The following PCDHGC4 variants were observed in gnomAD, a reference collection of about 807,000 sequenced individuals.
PCDHGC4 encodes the protein protocadherin gamma subfamily C, 4.
PCDHGC4 carries 15 observed loss-of-function variants against 59.7 expected under a neutral mutation model. The ratio of observed to expected loss-of-function variants is 0.25; its 90% confidence interval spans 0.17 to 0.39. PCDHGC4 has a LOEUF of 0.39. Ranked by LOEUF, PCDHGC4 falls within the 10% of genes least tolerant of loss-of-function variation. The probability of loss-of-function intolerance (pLI) is 1.00; values close to 1 mark genes in which losing one functional copy is unlikely to be tolerated. For missense variants in PCDHGC4, 1,016 were observed against 1,189.5 expected, an observed-to-expected ratio of 0.85 and a Z score of 2.15; for synonymous variants, 434 against 481.4, an observed-to-expected ratio of 0.90 and a Z score of 1.29.
Position 141,512,288 on chromosome 5 carries a change from TCAGCGGAGCCCCAGCAGGAAGGGTGGGC to T in PCDHGC4, c.*1120_*1147del, listed in dbSNP as rs1375137843. The T allele has an allele frequency of 6.5e-6, 1 of 152,680 alleles. No individual in the cohort carries two copies. Among genetic ancestry groups the T allele is most frequent in the Non-Finnish European group, 1.5e-5 (1 of 68,182 alleles). The allele number at this position is 152,680 out of a possible 1,614,324, so 9.5% of individuals were successfully genotyped here. ...TCCAGAGGTGCCACTGGTGGAAGGG[TCAGCGGAGCCCCAGCAGGAAGGGTGGGC>T]CAGCCAGGCCATTCTTAGTCCCTGG... On this transcript the variant is annotated 3_prime_UTR_variant, in exon 4 of 4. Coordinates refer to ENST00000306593, the MANE Select transcript of PCDHGC4 (RefSeq NM_018928.3).
At chr5:141,502,001 C>T (rs2099812274) in intron 2 of PCDHGC4, among the ~76,000 whole-genome samples, 2 of 152,106 alleles carry the variant, frequency 1.3e-5, no homozygotes, top group Admixed American at 1.3e-4. Flanking sequence ...CCCTGACAAC[C>T]CGCATGCTCT....
At chr5:141,503,804 G>A (rs2099831736) in intron 2 of PCDHGC4, among the ~76,000 whole-genome samples, 1 of 152,034 alleles carries the variant, frequency 6.6e-6, no homozygotes, top group South Asian at 2.1e-4. Flanking sequence ...TAGGGACGGG[G>A]AATCCCAGAT....
At chr5:141,506,636 C>T (rs1421676205) in intron 3 of PCDHGC4, among the ~76,000 whole-genome samples, 2 of 152,020 alleles carry the variant, frequency 1.3e-5, no homozygotes, top group South Asian at 2.1e-4. Context: ...AATGCAAGTC[C>T]CTCAGCACAG....
rs537087639 is a variant in PCDHGC4 at position 141,510,502 on chromosome 5, G to A, written c.2591-445G>A. 3.3e-5 allele frequency among the ~76,000 whole-genome samples: 5 copies of A among 152,296 alleles called. No homozygotes were observed. The South Asian group carries it at 6.2e-4, about 19-fold the overall frequency. ...CTTGAGAAAGCCAGGGCAAGGAACTGAGAGCCCGTGTCACAGCCCTGAGAG... is the reference window on the plus strand; with the variant it reads ...CTTGAGAAAGCCAGGGCAAGGAACTAAGAGCCCGTGTCACAGCCCTGAGAG... On this transcript the variant is annotated intron_variant, in intron 3 of 3. Coordinates refer to ENST00000306593, the MANE Select transcript of PCDHGC4 (RefSeq NM_018928.3).
chr5:141,485,734 C>T lies in PCDHGC4; in HGVS notation c.561C>T (p.Asp187=). ...HFALDVKKRS[D]GSLVPELLLE... ...CACTGGATGTGAAGAAGCGCAGCGACGGCAGCCTGGTCCCAGAGCTGCTCC... is the reference window on the plus strand; with the variant it reads ...CACTGGATGTGAAGAAGCGCAGCGATGGCAGCCTGGTCCCAGAGCTGCTCC... Residue 187 remains aspartate (D), a synonymous_variant, in exon 1 of 4, where the codon GAC becomes GAT. Transcript: ENST00000306593. This position sits in a 1 kb window ranked among gnomAD's most constrained non-coding sequence, Gnocchi z 5.7. The T allele has an allele frequency of 6.2e-7, 1 of 1,614,210 alleles. No individual in the cohort carries two copies. The highest frequency in any genetic ancestry group is 8.5e-7 in the Non-Finnish European group (1 of 1,180,028).
rs1362252002 is a variant in PCDHGC4, at chr5:141,486,112, G to C, written c.939G>C (p.Glu313Asp). ...TLLGPLDFES[E>D]NYYEFDVRAR... ...TGGGGCCCCTAGACTTTGAGAGTGA[G>C]AATTACTATGAATTTGATGTGCGGG... The change falls in exon 1 of 4, where the codon GAG becomes GAC. Residue 313 changes from glutamate (E) to aspartate (D), a missense_variant. By Grantham distance (45) the Glu-to-Asp change is conservative (BLOSUM62 2). Coordinates refer to ENST00000306593, the MANE Select transcript of PCDHGC4 (RefSeq NM_018928.3). The surrounding 1 kb of genome is among the most constrained non-coding windows in gnomAD (Gnocchi z 5.0). 6 of 1,614,166 alleles carry C rather than the reference G, an allele frequency of 3.7e-6. No individual in the cohort carries two copies. The highest frequency in any genetic ancestry group is 1.7e-6 in the Non-Finnish European group (2 of 1,180,024).
chr5:141,504,496 G>C (rs2099838771), intron 2 of PCDHGC4, among the ~76,000 whole-genome samples: 1 of 152,100 alleles, frequency 6.6e-6, no homozygotes, highest in Non-Finnish European at 1.5e-5. Flanking sequence ...CACCTGCCCA[G>C]TCTGAGTGGA....
rs775963212 is a variant in PCDHGC4, at chr5:141,485,463, G to T, written c.290G>T (p.Gly97Val). ...CCAATCGACCGAGAGGCACTGTGTG[G>T]GCTCAGTGCCAGCTGCATCGTGCCC... ...KNPIDREALCGLSASCIVPLE... is the reference protein window; with the variant it reads ...KNPIDREALCVLSASCIVPLE... Residue 97 changes from glycine to valine, a missense_variant, in exon 1 of 4, where the codon GGG becomes GTG. Coordinates refer to ENST00000306593, the MANE Select transcript of PCDHGC4 (RefSeq NM_018928.3). The surrounding 1 kb of genome is among the most constrained non-coding windows in gnomAD (Gnocchi z 5.7). The T allele has an allele frequency of 1.2e-6, 2 of 1,614,086 alleles. No individual in the cohort carries two copies. The highest frequency in any genetic ancestry group is 3.3e-5 in the Admixed American group (2 of 60,026).
At position 141,485,683 on chromosome 5, in the gene PCDHGC4, T is replaced by C. The variant is rs2099617681; in HGVS notation, c.510T>C (p.Tyr170=). ...ADVGSNSISS[Y]RLSSNEHFAL... ...TGGGGAGCAATTCGATTAGCAGCTA[T>C]AGGCTGAGCTCCAATGAACACTTTG... The change falls in exon 1 of 4, where the codon TAT becomes TAC. Residue 170 remains tyrosine, a synonymous_variant. Coordinates refer to ENST00000306593, the MANE Select transcript of PCDHGC4 (RefSeq NM_018928.3). This position sits in a 1 kb window ranked among gnomAD's most constrained non-coding sequence, Gnocchi z 5.7. 3.7e-6 allele frequency: 6 copies of C among 1,614,042 alleles called. No individual in the cohort carries two copies. The South Asian group carries it at 4.4e-5, about 12-fold the overall frequency.
At position 141,489,094 on chromosome 5, in the gene PCDHGC4, G is replaced by GAAA. The variant is rs2154581134; in HGVS notation, c.2442+1481_2442+1482insAAA. On this transcript the variant is annotated intron_variant, in intron 1 of 3. Coordinates refer to ENST00000306593, the MANE Select transcript of PCDHGC4 (RefSeq NM_018928.3). The surrounding 1 kb of genome is among the most constrained non-coding windows in gnomAD (Gnocchi z 4.5). ...CCCACCCCCGCCACTCGGTGACTAA[G>GAAA]AACTGCTGCAAGCAGGCAAACCTCC... The GAAA allele has an allele frequency of 5.1e-6, 2 of 396,028 alleles. No homozygotes were observed. Among genetic ancestry groups the GAAA allele is most frequent in the South Asian group, 4.8e-5 (1 of 20,814 alleles). The allele number at this position is 396,028 out of a possible 1,614,324, so 24.5% of individuals were successfully genotyped here.
chr5:141,487,671 G>A lies in PCDHGC4; in HGVS notation c.2442+56G>A. The A allele has an allele frequency of 6.2e-7, 1 of 1,612,012 alleles. No homozygotes were observed. The highest frequency in any genetic ancestry group is 8.5e-7 in the Non-Finnish European group (1 of 1,178,932). ...GAGGGTTATTCTGATCCAGGCATAT[G>A]GCTAGGCCATGTCCTAGAGAGTACT... On this transcript the variant is annotated intron_variant, in intron 1 of 3. Transcript: ENST00000306593. This position sits in a 1 kb window ranked among gnomAD's most constrained non-coding sequence, Gnocchi z 5.0.
rs747633858 is a variant in PCDHGC4, at chr5:141,491,133, C to T, written c.2442+3518C>T. 6.2e-6 allele frequency: 10 copies of T among 1,614,158 alleles called. No homozygotes were observed. In the South Asian group the frequency reaches 9.9e-5, roughly 16 times the overall value. The stretch of plus-strand genomic sequence containing the variant: ...CACACACTGGTGAGGTGCGCACAGC[C>T]CGGGCCTTACTGGAGGATGACTCTG... On this transcript the variant is annotated intron_variant, in intron 1 of 3. Transcript: ENST00000306593. The surrounding 1 kb of genome is among the most constrained non-coding windows in gnomAD (Gnocchi z 6.9).
chr5:141,505,338 G>T, intron 2 of PCDHGC4, 55 bp from the exon 3 acceptor site: 1 of 1,612,254 alleles, frequency 6.2e-7, no homozygotes, highest in South Asian at 1.1e-5. Flanking sequence ...GGACAGGAGG[G>T]GCATGAGCTG....
intron 3 of PCDHGC4, among the ~76,000 whole-genome samples, chr5:141,506,943 T>A (rs2099857373): frequency 6.6e-6 from 1 of 152,192 alleles, no homozygotes; most frequent in South Asian, 2.1e-4. Context: ...GGGCCTCCTG[T>A]CAATGAATCC....
Position 141,485,730 on chromosome 5 carries a change from G to A in PCDHGC4, c.557G>A (p.Ser186Asn). Residue 186 changes from serine to asparagine, a missense_variant, in exon 1 of 4, where the codon AGC becomes AAC. Coordinates refer to ENST00000306593, the MANE Select transcript of PCDHGC4 (RefSeq NM_018928.3). This position sits in a 1 kb window ranked among gnomAD's most constrained non-coding sequence, Gnocchi z 5.7. ...EHFALDVKKR[S>N]DGSLVPELLL... ...TTTGCACTGGATGTGAAGAAGCGCA[G>A]CGACGGCAGCCTGGTCCCAGAGCTG... is the stretch of plus-strand genomic sequence containing the variant. 1 of 1,614,200 alleles carries A rather than the reference G, an allele frequency of 6.2e-7. No individual in the cohort carries two copies. Among genetic ancestry groups the A allele is most frequent in the Non-Finnish European group, 8.5e-7 (1 of 1,180,024 alleles).
chr5:141,496,888 T>TAAA (rs35063790), intron 2 of PCDHGC4, among the ~76,000 whole-genome samples: 5 of 134,118 alleles, frequency 3.7e-5, no homozygotes, highest in East Asian at 4.4e-4. Context: ...AAGTAACACT[T>TAAA]AAAAAAAAAA....
rs146235929 is a variant in PCDHGC4 at position 141,511,610 on chromosome 5, C to A, written c.*437C>A. On this transcript the variant is annotated 3_prime_UTR_variant, in exon 4 of 4. Transcript: ENST00000306593. ...GAAGTACCAAGTAACCTACAAGCCT[C>A]CTAGTTCTGAAAAGTTGGAAGGGCA... 1.0e-3 allele frequency: 247 copies of A among 237,682 alleles called. 1 individual carries two copies. The highest frequency in any genetic ancestry group is 5.2e-3 in the African/African-American group (235 of 45,400). The allele number at this position is 237,682 out of a possible 1,614,324, so 14.7% of individuals were successfully genotyped here. A position where few individuals can be genotyped will look rare whatever the true frequency, so the allele number is the denominator to read the frequency against.
At position 141,487,398 on chromosome 5, in the gene PCDHGC4, G is replaced by A. The variant is rs1342197934; in HGVS notation, c.2225G>A (p.Gly742Glu). 1.9e-6 allele frequency: 3 copies of A among 1,613,926 alleles called. No individual in the cohort carries two copies. The African/African-American group carries it at 4.0e-5, about 22-fold the overall frequency. ...CTCACCAGATCTCGAAGGAGGGAGGGGCTTCCCCCTTCCAATGGGATCCTC... is the reference window on the plus strand; with the variant it reads ...CTCACCAGATCTCGAAGGAGGGAGGAGCTTCCCCCTTCCAATGGGATCCTC... ...ACLTRSRRRE[G>E]LPPSNGILRI... is the part of the protein sequence containing the mutation. Residue 742 changes from glycine to glutamate, a missense_variant, in exon 1 of 4, where the codon GGG (glycine) becomes GAG (glutamate). Gly to Glu is a moderately conservative substitution (Grantham distance 98). Transcript: ENST00000306593. The surrounding 1 kb of genome is among the most constrained non-coding windows in gnomAD (Gnocchi z 5.0).
chr5:141,495,977 T>C (rs2099765025), intron 2 of PCDHGC4, among the ~76,000 whole-genome samples: 1 of 152,174 alleles, frequency 6.6e-6, no homozygotes, highest in Admixed American at 6.5e-5. Flanking sequence ...TCTGTTACTC[T>C]TTCTTTATCT....
Sources: allele counts gnomAD v4.1 joint callset (sites outside exome capture counted in the v4.1 genomes callset), GRCh38; gene constraint gnomAD v4.1.1; non-coding constraint Gnocchi (gnomAD v3.1); transcripts MANE v1.5; gene names NCBI Gene and HGNC (gene_info 2026-07-23, HGNC 2026-07-21).